The following STMN3 variants were observed in gnomAD, a reference collection of about 807,000 sequenced individuals.
STMN3 encodes stathmin 3, also known as stathmin-3.
STMN3 carries 24 observed loss-of-function variants against 23.2 expected under a neutral mutation model. The ratio of observed to expected loss-of-function variants is 1.03; its 90% CI spans 0.75 to 1.45. The LOEUF is 1.45. Among genes scored for constraint, STMN3 ranks in the 40% most tolerant of loss-of-function variants. The probability of loss-of-function intolerance (pLI) is 0.00; values close to 1 mark genes in which losing one functional copy is unlikely to be tolerated. For synonymous variants in STMN3, 117 were observed against 103.4 expected (o/e 1.13, Z -0.80); for missense variants, 235 against 237.6 (o/e 0.99, Z 0.07).
intron 1 of STMN3, 115 bp downstream of exon 1, chr20:63,653,212 G>T (rs1222156199): frequency 1.5e-6 from 2 of 1,348,386 alleles, no homozygotes; most frequent in Admixed American, 2.3e-5. Flanking sequence ...CTTGCAACGC[G>T]CAGGGTAGGA....
At chr20:63,642,335 C>T (rs746827858) in intron 3 of STMN3, 36 bp from the exon 4 acceptor site, 3 of 1,378,392 alleles carry the variant, frequency 2.2e-6, no homozygotes, top group Non-Finnish European at 2.8e-6. Context: ...GAGCGGCAAC[C>T]CCGGGCCCTG....
intron 1 of STMN3, among the ~76,000 whole-genome samples, chr20:63,647,979 TAC>T (rs201232893): frequency 0.086 from 6,624 of 77,094 alleles, 894 homozygotes; most frequent in African/African-American, 0.22. Flanking sequence ...TATATATATA[TAC>T]ATATATATAT....
Position 63,643,919 on chromosome 20 carries a change from T to C in STMN3, c.128A>G (p.Lys43Arg), listed in dbSNP as rs1258666128. ...TVYQYGDMEV[K>R]QLDKRASGQS... The stretch of plus-strand genomic sequence containing the variant: ...GCCTGAGGCCCGCTTGTCCAGCTGC[T>C]TCACCTCCATGTCTGCAGGGCAAGA... The change falls in exon 3 of 5, where the codon AAG becomes AGG. Residue 43 changes from lysine to arginine, a missense_variant. Lys to Arg is a conservative substitution (Grantham distance 26). Transcript: ENST00000370053. 1 of 1,598,230 alleles carries C rather than the reference T, an allele frequency of 6.3e-7. No individual in the cohort carries two copies. The highest frequency in any genetic ancestry group is 8.5e-7 in the Non-Finnish European group (1 of 1,176,014).
chr20:63,642,124 T>G lies in STMN3; in HGVS notation c.467A>C (p.Glu156Ala), dbSNP rs749257260. Residue 156 changes from glutamate to alanine, a missense_variant, in exon 4 of 5, where the codon GAG becomes GCG. Transcript: ENST00000370053. The stretch of plus-strand genomic sequence containing the variant: ...CCCCCGCACCTTCTCGCGCAGCCGC[T>G]CGCGCAGTGCGGCCAGGTGTGCCTC... ...IREAHLAALR[E>A]RLREKELHAA... 7.1e-6 allele frequency: 10 copies of G among 1,409,234 alleles called. No individual in the cohort carries two copies. The highest frequency in any genetic ancestry group is 1.8e-5 in the African/African-American group (1 of 54,226). The allele number at this position is 1,409,234 out of a possible 1,614,324, so 87.3% of individuals were successfully genotyped here. A position where few individuals can be genotyped will look rare whatever the true frequency, so the allele number is the denominator to read the frequency against.
chr20:63,650,829 C>A (rs2089852892), intron 1 of STMN3, among the ~76,000 whole-genome samples: 1 of 132,348 alleles, frequency 7.6e-6, no homozygotes, highest in Non-Finnish European at 1.6e-5. Context: ...CCCCTCCCGC[C>A]GCCCAGGTGG....
At chr20:63,653,066 G>T (rs1004891544) in intron 1 of STMN3, among the ~76,000 whole-genome samples, 80 of 151,720 alleles carry the variant, frequency 5.3e-4, no homozygotes, top group African/African-American at 1.8e-3. Context: ...TGCGTGGCAC[G>T]CTGCTCCCCC....
At chr20:63,642,508 C>A (rs746705489) in intron 3 of STMN3, among the ~76,000 whole-genome samples, 1 of 151,212 alleles carries the variant, frequency 6.6e-6, no homozygotes, top group African/African-American at 2.4e-5. Flanking sequence ...GCCAGGGGGT[C>A]GCGATCCGCC....
chr20:63,644,367 C>T (rs1320361871), intron 1 of STMN3, 58 bp from the exon 2 acceptor site: 4 of 1,353,558 alleles, frequency 3.0e-6, no homozygotes, highest in South Asian at 2.5e-5. Context: ...CCTGGGCCCC[C>T]GTTTTCCCTC....
At position 63,652,866 on chromosome 20, in the gene STMN3, G is replaced by T; in HGVS notation, c.19+461C>A. 2 of 886,220 alleles carry T rather than the reference G, an allele frequency of 2.3e-6. No homozygotes were observed. Among genetic ancestry groups the T allele is most frequent in the South Asian group, 5.2e-5 (1 of 19,346 alleles). The allele number at this position is 886,220 out of a possible 1,614,324, so 54.9% of individuals were successfully genotyped here. A position where few individuals can be genotyped will look rare whatever the true frequency, so the allele number is the denominator to read the frequency against. On this transcript the variant is annotated intron_variant, in intron 1 of 4. Transcript: ENST00000370053. This position sits in a 1 kb window ranked among gnomAD's most constrained non-coding sequence, Gnocchi z 5.3. Reference sequence around the variant, plus strand: ...AGCCCCTGTGCTGCACTGGCGCGGGGAGCGCCGGGTTCCCGGCTGGGGCTT... The same window carrying T: ...AGCCCCTGTGCTGCACTGGCGCGGGTAGCGCCGGGTTCCCGGCTGGGGCTT...
At chr20:63,642,799 G>A (rs2089779583) in intron 3 of STMN3, among the ~76,000 whole-genome samples, 1 of 152,096 alleles carries the variant, frequency 6.6e-6, no homozygotes, top group Admixed American at 6.5e-5. Flanking sequence ...GGAGGGGCCG[G>A]CTGGTGACCC....
rs193157400 is a variant in STMN3, at chr20:63,643,468, A to G, written c.291+288T>C. Among the ~76,000 whole-genome samples the G allele has an allele frequency of 4.4e-3, 672 of 152,212 alleles. 6 individuals carry two copies. The highest frequency in any genetic ancestry group is 7.5e-3 in the Admixed American group (114 of 15,294). ...GGCTAATTTTGTATTTTTAGTACAG[A>G]TGGGGTTTCACCATGTTGGCCAGGC... is the stretch of plus-strand genomic sequence containing the variant. On this transcript the variant is annotated intron_variant, in intron 3 of 4. Coordinates refer to ENST00000370053, the MANE Select transcript of STMN3 (RefSeq NM_015894.4).
intron 1 of STMN3, among the ~76,000 whole-genome samples, chr20:63,649,896 G>A (rs920141086): frequency 1.3e-5 from 2 of 149,520 alleles, no homozygotes; most frequent in Non-Finnish European, 3.0e-5. Flanking sequence ...GCGCGATGTC[G>A]GCTCACTGCA....
Position 63,642,191 on chromosome 20 carries a change from C to T in STMN3, c.400G>A (p.Glu134Lys). The T allele has an allele frequency of 6.4e-7, 1 of 1,563,032 alleles. No homozygotes were observed. Among genetic ancestry groups the T allele is most frequent in the South Asian group, 1.2e-5 (1 of 86,408 alleles). The change falls in exon 4 of 5, where the codon GAG (glutamate) becomes AAG (lysine). Residue 134 changes from glutamate to lysine, a missense_variant. Glu to Lys is a moderately conservative substitution (Grantham distance 56). Coordinates refer to ENST00000370053, the MANE Select transcript of STMN3 (RefSeq NM_015894.4). ...ENNNFSRQAE[E>K]KLNYKMELSK... is the part of the protein sequence containing the mutation. ...AGCTCCATCTTGTAGTTGAGCTTCT[C>T]CTCCGCCTGGCGGCTGAAGTTGTTA...
At chr20:63,643,528 G>T in intron 3 of STMN3, 1 of 575,626 alleles carries the variant, frequency 1.7e-6, no homozygotes, top group Non-Finnish European at 2.2e-6. Context: ...TGATCTGCCT[G>T]CCTCAGCTTC....
Position 63,640,910 on chromosome 20 carries a change from C to T in STMN3, c.*428G>A, listed in dbSNP as rs397843628. On this transcript the variant is annotated 3_prime_UTR_variant, in exon 5 of 5. Transcript: ENST00000370053. Reference sequence around the variant, plus strand: ...CCCTCCCTCATGGGGAGCCCCTTCCCCCTGGAAAGACAGCAGGTACTGTAG... The same window carrying T: ...CCCTCCCTCATGGGGAGCCCCTTCCTCCTGGAAAGACAGCAGGTACTGTAG... The T allele has an allele frequency of 9.4e-5, 26 of 275,288 alleles. No homozygotes were observed. The highest frequency in any genetic ancestry group is 2.3e-4 in the East Asian group (2 of 8,670). 17.1% of individuals were successfully genotyped at this position (275,288 alleles called of 1,614,324 possible). A position where few individuals can be genotyped will look rare whatever the true frequency, so the allele number is the denominator to read the frequency against.
intron 1 of STMN3, among the ~76,000 whole-genome samples, chr20:63,651,527 G>C (rs1160920002): frequency 6.6e-6 from 1 of 152,192 alleles, no homozygotes; most frequent in Non-Finnish European, 1.5e-5. Context: ...CATGGTGCCA[G>C]GAGCACAGCA....
At chr20:63,641,861 GCCCCGCCCCCTGCCTGCTGCTAGCCCTGC>G (rs2089766376) in intron 4 of STMN3, among the ~76,000 whole-genome samples, 1 of 109,474 alleles carries the variant, frequency 9.1e-6, no homozygotes, top group African/African-American at 3.6e-5. Context: ...CCCGCCCAGT[GCCCCGCCCCCTGCCTGCTGCTAGCCCTGC>G]CCCCGCCCCG....
Position 63,642,219 on chromosome 20 carries a change from C to G in STMN3, c.372G>C (p.Glu124Asp). Residue 124 changes from glutamate (E) to aspartate (D), a missense_variant, in exon 4 of 5, where the codon GAG becomes GAC. Physicochemically the swap from Glu to Asp is conservative, Grantham distance 45 (BLOSUM62 2). Coordinates refer to ENST00000370053, the MANE Select transcript of STMN3 (RefSeq NM_015894.4). Reference sequence around the variant, plus strand: ...CCGCCTGGCGGCTGAAGTTGTTATTCTCCTCCAGCGCCTTGTGCAGCACCT... The same window carrying G: ...CCGCCTGGCGGCTGAAGTTGTTATTGTCCTCCAGCGCCTTGTGCAGCACCT... Reference protein sequence around the residue: ...EREVLHKALEENNNFSRQAEE... With the variant: ...EREVLHKALEDNNNFSRQAEE... 6.4e-7 allele frequency: 1 copy of G among 1,564,334 alleles called. No homozygotes were observed.
intron 1 of STMN3, among the ~76,000 whole-genome samples, chr20:63,651,295 G>A (rs1246668132): frequency 6.6e-6 from 1 of 152,188 alleles, no homozygotes; most frequent in Admixed American, 6.5e-5. Context: ...GCTCAGAGAG[G>A]GCAAGCATTC....
Sources: gnomAD v4.1 joint callset for allele counts (sites outside exome capture counted in the v4.1 genomes callset) on GRCh38, gnomAD v4.1.1 for gene constraint, Gnocchi (gnomAD v3.1) non-coding constraint, MANE v1.5 for transcripts, NCBI Gene and HGNC (gene_info 2026-07-23, HGNC 2026-07-21) for gene names.